HSPG2: variants seen among roughly 807,000 people sequenced by gnomAD.
HSPG2 encodes basement membrane-specific heparan sulfate proteoglycan core protein.
In HSPG2, 278 loss-of-function variants were observed where a neutral mutation model predicts 526.6. The observed-to-expected ratio is 0.53, with a 90% CI of 0.48 to 0.58. The LOEUF (loss-of-function observed/expected upper bound fraction) is 0.58. Among genes scored for constraint, HSPG2 ranks in the 20% least tolerant of loss-of-function variants. The pLI is 0.00. For synonymous variants in HSPG2, 2,465 were observed against 2,555.4 expected (o/e 0.96, Z 1.07); for missense variants, 5,354 against 6,099.5 (o/e 0.88, Z 4.07).
chr1:21,827,887 G>A lies in HSPG2; in HGVS notation c.12565C>T (p.His4189Tyr), dbSNP rs754709721. Reference sequence around the variant, plus strand: ...CCATTGCCCCCGCTGCCTTCAAGATGCCAGTCGGACTCTGCTATGCCATGT... The same window carrying A: ...CCATTGCCCCCGCTGCCTTCAAGATACCAGTCGGACTCTGCTATGCCATGT... Reference protein sequence around the residue: ...SGHGIAESDWHLEGSGGNDAP... With the variant: ...SGHGIAESDWYLEGSGGNDAP... Residue 4189 changes from histidine (H) to tyrosine (Y), a missense_variant, in exon 91 of 97, where the codon CAT becomes TAT. Physicochemically the swap from His to Tyr is moderately conservative, Grantham distance 83. Coordinates refer to ENST00000374695, the MANE Select transcript of HSPG2 (RefSeq NM_005529.7). 5.6e-6 allele frequency: 9 copies of A among 1,593,614 alleles called. No individual in the cohort carries two copies. In the Admixed American group the frequency reaches 1.6e-4, roughly 28 times the overall value.
chr1:21,909,394 G>C (rs1466164804), intron 1 of HSPG2, among the ~76,000 whole-genome samples: 2 of 152,156 alleles, frequency 1.3e-5, no homozygotes, highest in East Asian at 3.9e-4. Flanking sequence ...TCTAGGAAAG[G>C]GACAACTCAT....
chr1:21,862,785 G>GT (rs1433075205), intron 37 of HSPG2, among the ~76,000 whole-genome samples: 29 of 152,026 alleles, frequency 1.9e-4, no homozygotes, highest in Admixed American at 7.2e-4. Context: ...TTAAAAATGT[G>GT]TATTGTCAGC....
At position 21,846,225 on chromosome 1, in the gene HSPG2, C is replaced by T; in HGVS notation, c.8347G>A (p.Val2783Met). The T allele has an allele frequency of 5.0e-6, 8 of 1,612,958 alleles. No homozygotes were observed. The highest frequency in any genetic ancestry group is 6.8e-6 in the Non-Finnish European group (8 of 1,179,978). Residue 2783 changes from valine to methionine, a missense_variant, in exon 64 of 97, where the codon GTG becomes ATG. By Grantham distance (21) the Val-to-Met change is conservative (BLOSUM62 1). Transcript: ENST00000374695. ...TATTCACCCGAGTCGGCCGGGGACA[C>T]ATGGTGCAGCCGCAGCCGTGAGCCG... Reference protein sequence around the residue: ...TRGSRLRLHHVSPADSGEYVC... With the variant: ...TRGSRLRLHHMSPADSGEYVC...
At position 21,937,156 on chromosome 1, in the gene HSPG2, G is replaced by A. The variant is rs1381228735; in HGVS notation, c.62C>T (p.Ala21Val). ...CGCCCCTCTGCCCCGCACACTCACC[G>A]CCAGCAGCCGCCCGTGCAGCAGCAG... ...LALLLHGRLL[A>V]VTHGLRAYDG... is the part of the protein sequence containing the mutation. The change falls in exon 1 of 97, where the codon GCG becomes GTG. Residue 21 changes from alanine (A) to valine (V), a missense_variant and splice_region_variant. Transcript: ENST00000374695. The A allele has an allele frequency of 7.9e-5, 58 of 734,746 alleles. No homozygotes were observed. The Admixed American group carries it at 3.5e-3, about 44-fold the overall frequency. The allele number at this position is 734,746 out of a possible 1,614,324, so 45.5% of individuals were successfully genotyped here.
intron 56 of HSPG2, 71 bp from the exon 57 acceptor site, chr1:21,850,263 C>T: frequency 2.5e-6 from 4 of 1,612,062 alleles, no homozygotes; most frequent in Non-Finnish European, 8.5e-7. Flanking sequence ...GGTCTCAAGG[C>T]AGGTGCAGTC....
chr1:21,881,125 G>T lies in HSPG2; in HGVS notation c.1818+214C>A, dbSNP rs76061126. ...AGGCATGGGGGAGTGGTCAGGGAGG[G>T]CTCCCGGGAGGAGGGGAGGCCAGCT... On this transcript the variant is annotated intron_variant, in intron 14 of 96. Coordinates refer to ENST00000374695, the MANE Select transcript of HSPG2 (RefSeq NM_005529.7). Among the ~76,000 whole-genome samples the T allele has an allele frequency of 0.011, 1,718 of 152,300 alleles. 27 individuals carry two copies. Among genetic ancestry groups the T allele is most frequent in the East Asian group, 0.059 (307 of 5,172 alleles).
At chr1:21,915,727 C>T (rs922371128) in intron 1 of HSPG2, among the ~76,000 whole-genome samples, 12 of 152,296 alleles carry the variant, frequency 7.9e-5, no homozygotes, top group Admixed American at 2.6e-4. Context: ...AGCTACTAAG[C>T]GCTTCAAATG....
At chr1:21,878,338 G>A in intron 20 of HSPG2, 85 bp from the exon 21 acceptor site, 1 of 1,577,258 alleles carries the variant, frequency 6.3e-7, no homozygotes, top group Non-Finnish European at 8.7e-7. Context: ...GGCTCCCCAA[G>A]GTTCATGAGC....
rs773611162 is a variant in HSPG2 at position 21,872,374 on chromosome 1, A to C, written c.4033T>G (p.Ser1345Ala). 29 of 1,567,364 alleles carry C rather than the reference A, an allele frequency of 1.9e-5. No individual in the cohort carries two copies. Among genetic ancestry groups the C allele is most frequent in the Non-Finnish European group, 2.5e-5 (29 of 1,154,558 alleles). Residue 1345 changes from serine (S) to alanine (A), a missense_variant, in exon 33 of 97, where the codon TCC becomes GCC. By Grantham distance (99) the Ser-to-Ala change is moderately conservative. Coordinates refer to ENST00000374695, the MANE Select transcript of HSPG2 (RefSeq NM_005529.7). The surrounding 1 kb of genome is among the most constrained non-coding windows in gnomAD (Gnocchi z 5.5). Reference sequence around the variant, plus strand: ...AAGTCCCCAGGGGCAAAGTGGGTGGAGATCTGGCAGGGGAAAAAGGAGGGG... The same window carrying C: ...AAGTCCCCAGGGGCAAAGTGGGTGGCGATCTGGCAGGGGAAAAAGGAGGGG... ...ASSAYTRHLI[S>A]THFAPGDFQG...
chr1:21,832,429 G>T, intron 81 of HSPG2, 66 bp downstream of exon 81: 1 of 1,311,574 alleles, frequency 7.6e-7, no homozygotes, highest in Non-Finnish European at 1.1e-6. Flanking sequence ...GGAGCCCAGG[G>T]TAGCACTTGC....
In HSPG2 at chr1:21,925,313, A is replaced by C. The variant is rs368044827; in HGVS notation, c.63+11842T>G. Among the ~76,000 whole-genome samples, 386 of 152,342 alleles carry C rather than the reference A, an allele frequency of 2.5e-3. 2 individuals carry two copies. Among genetic ancestry groups the C allele is most frequent in the African/African-American group, 8.7e-3 (363 of 41,574 alleles). On this transcript the variant is annotated intron_variant, in intron 1 of 96. Transcript: ENST00000374695. ...AGGATTCTTGAAGCTTCCACTGCACAGGGCTGTTGAAACAACACAACGCGG... is the reference window on the plus strand; with the variant it reads ...AGGATTCTTGAAGCTTCCACTGCACCGGGCTGTTGAAACAACACAACGCGG...
intron 39 of HSPG2, among the ~76,000 whole-genome samples, chr1:21,861,395 C>A (rs571062379): frequency 6.6e-6 from 1 of 151,914 alleles, no homozygotes; most frequent in Non-Finnish European, 1.5e-5. Flanking sequence ...TGGTGGCTCA[C>A]GCCTGTAATG....
intron 81 of HSPG2, among the ~76,000 whole-genome samples, chr1:21,832,060 GC>G (rs1172009344): frequency 6.6e-6 from 1 of 152,152 alleles, no homozygotes; most frequent in Non-Finnish European, 1.5e-5. Context: ...CTGCAGCCTA[GC>G]ACCTGGCCTC....
intron 1 of HSPG2, among the ~76,000 whole-genome samples, chr1:21,929,007 G>A (rs181572334): frequency 4.8e-4 from 72 of 150,532 alleles, no homozygotes; most frequent in African/African-American, 1.6e-3. Flanking sequence ...TGATCCGCCC[G>A]CCTTGGCCTC....
chr1:21,923,128 C>A (rs12080828), intron 1 of HSPG2, among the ~76,000 whole-genome samples: 1,874 of 152,232 alleles, frequency 0.012, 35 homozygotes, highest in African/African-American at 0.039. Flanking sequence ...CAGACTCAGC[C>A]GGGCACGGTG....
At position 21,829,051 on chromosome 1, in the gene HSPG2, C is replaced by T. The variant is rs531754046; in HGVS notation, c.12021G>A (p.Pro4007=). 48 of 1,545,214 alleles carry T rather than the reference C, an allele frequency of 3.1e-5. No individual in the cohort carries two copies. Among genetic ancestry groups the T allele is most frequent in the East Asian group, 1.5e-4 (6 of 40,972 alleles). ...CACGGTGCCAGCGGCCCAGGGCCAG[C>T]GGCTCGGCGCTCCGCAGAACGGCCA... ...SGLAVLRSAE[P]LALGRWHRVS... Residue 4007 remains proline, a synonymous_variant, in exon 88 of 97, where the codon CCG becomes CCA. Transcript: ENST00000374695.
rs1202711295 is a variant in HSPG2, at chr1:21,858,793, T to C, written c.5293+773A>G. On this transcript the variant is annotated intron_variant, in intron 42 of 96. Transcript: ENST00000374695. This position sits in a 1 kb window ranked among gnomAD's most constrained non-coding sequence, Gnocchi z 4.2. ...TGGGTGGGACAGATGTGCAGGGGAC[T>C]TGATGCTCCCAGAATAGGTCTCAGT... Among the ~76,000 whole-genome samples, 2 of 152,238 alleles carry C rather than the reference T, an allele frequency of 1.3e-5. No homozygotes were observed. Among genetic ancestry groups the C allele is most frequent in the East Asian group, 1.9e-4 (1 of 5,190 alleles).
At position 21,842,370 on chromosome 1, in the gene HSPG2, G is replaced by T. The variant is rs1358391721; in HGVS notation, c.8921C>A (p.Ser2974Tyr). ...SLPARHQTHG[S>Y]QLRLHLVSPA... Reference sequence around the variant, plus strand: ...GGAGACGAGGTGGAGCCGCAGCTGGGAGCCATGGGTCTGTCAGAGCAGCGA... The same window carrying T: ...GGAGACGAGGTGGAGCCGCAGCTGGTAGCCATGGGTCTGTCAGAGCAGCGA... Residue 2974 changes from serine (S) to tyrosine (Y), a missense_variant, in exon 68 of 97, where the codon TCC (serine) becomes TAC (tyrosine). Ser to Tyr is a moderately radical substitution (Grantham distance 144, BLOSUM62 -2). Transcript: ENST00000374695. 13 of 1,607,998 alleles carry T rather than the reference G, an allele frequency of 8.1e-6. No homozygotes were observed. Among genetic ancestry groups the T allele is most frequent in the Non-Finnish European group, 1.1e-5 (13 of 1,176,644 alleles).
chr1:21,929,757 CTG>C (rs898924359), intron 1 of HSPG2, among the ~76,000 whole-genome samples: 1 of 152,150 alleles, frequency 6.6e-6, no homozygotes, highest in Non-Finnish European at 1.5e-5. Context: ...AAGCCAAAGA[CTG>C]TGGAGGCATC....
Sources: allele counts gnomAD v4.1 joint callset (sites outside exome capture counted in the v4.1 genomes callset), GRCh38; gene constraint gnomAD v4.1.1; non-coding constraint Gnocchi (gnomAD v3.1); transcripts MANE v1.5; gene names NCBI Gene and HGNC (gene_info 2026-07-23, HGNC 2026-07-21).